The following TENM3 variants were observed in gnomAD, a reference collection of about 807,000 sequenced individuals.
The protein encoded by TENM3 is teneurin transmembrane protein 3.
TENM3 carries 63 observed loss-of-function variants against 255.1 expected under a neutral mutation model. The observed-to-expected ratio is 0.25, with a 90% confidence interval of 0.20 to 0.30. The LOEUF (loss-of-function observed/expected upper bound fraction) is 0.30, where lower values mean the gene tolerates loss of function less well. Ranked by LOEUF, TENM3 falls within the 10% of genes least tolerant of loss-of-function variation. The pLI, the probability that TENM3 is intolerant of heterozygous loss-of-function variation, is 1.00. For synonymous variants in TENM3, 1,306 were observed against 1,322.3 expected (o/e 0.99, Z 0.27); for missense variants, 2,929 against 3,461.1 (o/e 0.85, Z 3.86).
the TENM3 span, among the ~76,000 whole-genome samples, chr4:181,944,653 C>G: frequency 6.6e-6 from 1 of 152,068 alleles, no homozygotes; most frequent in Non-Finnish European, 1.5e-5. Flanking sequence ...CCGGAGCCAC[C>G]GTGCCCCTCT....
chr4:182,114,599 AT>A, the TENM3 span, among the ~76,000 whole-genome samples: 5 of 152,152 alleles, frequency 3.3e-5, no homozygotes, highest in Non-Finnish European at 5.9e-5. Context: ...AGAGACAGAC[AT>A]AGATACCTCT....
At chr4:182,134,155 A>G in the TENM3 span, among the ~76,000 whole-genome samples, 1 of 152,184 alleles carries the variant, frequency 6.6e-6, no homozygotes, top group African/African-American at 2.4e-5. Context: ...TATTATCAAC[A>G]TTATTCCAAA....
rs1285683602 is a variant in TENM3 at position 182,754,661 on chromosome 4, G to T, written c.4294G>T (p.Val1432Phe). The change falls in exon 22 of 28, where the codon GTC becomes TTC. Residue 1432 changes from valine to phenylalanine, a missense_variant. By Grantham distance (50) the Val-to-Phe change is conservative. Around this residue, in one of 6 missense-constraint regions of TENM3, gnomAD observed 1,608 missense variants for 1,884.4 expected, o/e 0.85. Coordinates refer to ENST00000511685, the MANE Select transcript of TENM3 (RefSeq NM_001080477.4). This position sits in a 1 kb window ranked among gnomAD's most constrained non-coding sequence, Gnocchi z 5.1. ...GAAGAAAATTAACCGGATAAGGCAG[G>T]TCACAACAGATGGAGAAATCTCCTT... ...DEKKINRIRQVTTDGEISLVA... is the reference protein window; with the variant it reads ...DEKKINRIRQFTTDGEISLVA... 1 of 1,614,010 alleles carries T rather than the reference G, an allele frequency of 6.2e-7. No homozygotes were observed. Among genetic ancestry groups the T allele is most frequent in the South Asian group, 1.1e-5 (1 of 91,082 alleles).
At chr4:182,100,578 CAT>C in the TENM3 span, among the ~76,000 whole-genome samples, 2,007 of 114,696 alleles carry the variant, frequency 0.017, 90 homozygotes, top group East Asian at 0.14. Flanking sequence ...TATATATACA[CAT>C]ATATATACAC....
the TENM3 span, among the ~76,000 whole-genome samples, chr4:181,801,211 A>G: frequency 6.9e-6 from 1 of 144,864 alleles, no homozygotes; most frequent in Non-Finnish European, 1.5e-5. Context: ...TTTTTTGTGG[A>G]CTTTTGGGAA....
the TENM3 span, among the ~76,000 whole-genome samples, chr4:181,765,040 A>G: frequency 6.6e-6 from 1 of 152,162 alleles, no homozygotes; most frequent in Non-Finnish European, 1.5e-5. Flanking sequence ...CTCCCTAAGA[A>G]TGATTTTTCA....
the TENM3 span, among the ~76,000 whole-genome samples, chr4:181,515,893 T>C: frequency 1.3e-5 from 2 of 152,266 alleles, no homozygotes; most frequent in Non-Finnish European, 2.9e-5. Context: ...GATACATGCA[T>C]ACTTATGTTC....
At chr4:182,153,435 T>C (rs2149588731) in intron 1 of TENM3, among the ~76,000 whole-genome samples, 1 of 152,250 alleles carries the variant, frequency 6.6e-6, no homozygotes, top group South Asian at 2.1e-4. Context: ...CTTGGTTTTC[T>C]GGTTTAAGGT....
At chr4:182,695,837 TAATTATA>T (rs921392217) in intron 12 of TENM3, among the ~76,000 whole-genome samples, 1 of 152,264 alleles carries the variant, frequency 6.6e-6, no homozygotes, top group African/African-American at 2.4e-5. Context: ...AGAATTTATA[TAATTATA>T]AACATGCCAT....
At chr4:182,309,386 G>A (rs1039338950) in intron 1 of TENM3, among the ~76,000 whole-genome samples, 1 of 152,144 alleles carries the variant, frequency 6.6e-6, no homozygotes, top group Non-Finnish European at 1.5e-5. Flanking sequence ...GGTAACAGAG[G>A]CATGAATAAC....
intron 24 of TENM3, among the ~76,000 whole-genome samples, chr4:182,778,160 T>C (rs1579466392): frequency 1.3e-5 from 2 of 152,228 alleles, no homozygotes; most frequent in East Asian, 3.9e-4. Flanking sequence ...AGGGCTGGAT[T>C]GTAGAACCTG....
intron 3 of TENM3, among the ~76,000 whole-genome samples, chr4:182,424,456 T>G (rs1771056988): frequency 6.6e-6 from 1 of 151,948 alleles, no homozygotes; most frequent in Admixed American, 6.6e-5. Context: ...GATTTTGATT[T>G]TTTACACTTT....
At chr4:182,378,641 C>T (rs889791296) in intron 3 of TENM3, among the ~76,000 whole-genome samples, 5 of 152,122 alleles carry the variant, frequency 3.3e-5, no homozygotes, top group African/African-American at 1.2e-4. Context: ...TCGGAAGGGT[C>T]ACCCAGCGGT....
chr4:181,920,303 C>T, the TENM3 span, among the ~76,000 whole-genome samples: 4 of 152,020 alleles, frequency 2.6e-5, no homozygotes, highest in Admixed American at 6.5e-5. Context: ...CCTGAGGAAT[C>T]GCCACACTGA....
chr4:182,097,648 G>A, the TENM3 span, among the ~76,000 whole-genome samples: 1 of 152,264 alleles, frequency 6.6e-6, no homozygotes, highest in East Asian at 1.9e-4. Flanking sequence ...TTCTCTCCTG[G>A]GTCACCCTGG....
At chr4:182,295,115 GCATT>G (rs1761381505) in intron 1 of TENM3, among the ~76,000 whole-genome samples, 1 of 151,864 alleles carries the variant, frequency 6.6e-6, no homozygotes, top group South Asian at 2.1e-4. Flanking sequence ...GATTTTACAT[GCATT>G]CATTCCTGTA....
At chr4:182,293,043 G>A (rs1254828355) in intron 1 of TENM3, among the ~76,000 whole-genome samples, 1 of 152,192 alleles carries the variant, frequency 6.6e-6, no homozygotes, top group Non-Finnish European at 1.5e-5. Context: ...TTGCTTCCGT[G>A]TGTTGCACAC....
At chr4:182,561,807 A>C (rs553956460) in intron 3 of TENM3, among the ~76,000 whole-genome samples, 1 of 152,132 alleles carries the variant, frequency 6.6e-6, no homozygotes. Context: ...AATACTATTC[A>C]GTTGTTATAA....
the TENM3 span, among the ~76,000 whole-genome samples, chr4:181,582,669 CAAAAAAAAA>C: frequency 1.6e-5 from 2 of 124,756 alleles, no homozygotes; most frequent in African/African-American, 3.1e-5. Context: ...CAAAACAAAT[CAAAAAAAAA>C]AAAAAAAAGA....
Sources: gnomAD v4.1 joint callset for allele counts (sites outside exome capture counted in the v4.1 genomes callset) on GRCh38, gnomAD v4.1.1 for gene constraint, gnomAD v4.1.1 regional missense constraint, Gnocchi (gnomAD v3.1) non-coding constraint, MANE v1.5 for transcripts, NCBI Gene and HGNC (gene_info 2026-07-23, HGNC 2026-07-21) for gene names.